PRKAR2A: variants seen among roughly 807,000 people sequenced by gnomAD.
PRKAR2A encodes the protein protein kinase cAMP-dependent type II regulatory subunit alpha.
A neutral mutation model predicts 51.9 loss-of-function variants in PRKAR2A; 29 were observed. That is an observed-to-expected ratio of 0.56 (90% CI 0.42 to 0.76). The LOEUF (loss-of-function observed/expected upper bound fraction) is 0.76, where lower values mean the gene tolerates loss of function less well. PRKAR2A is among the 30% of genes least tolerant of loss of function. The pLI is 0.00. For synonymous variants in PRKAR2A, 178 were observed against 186.2 expected, an observed-to-expected ratio of 0.96 and a Z score of 0.36; for missense variants, 445 against 512.1, an observed-to-expected ratio of 0.87 and a Z score of 1.26.
rs976917263 is a variant in PRKAR2A, at chr3:48,747,895, C to G, written c.*3690G>C. On this transcript the variant is annotated 3_prime_UTR_variant, in exon 11 of 11. Coordinates refer to ENST00000265563, the MANE Select transcript of PRKAR2A (RefSeq NM_004157.4). ...TTGCCTGATGTGGACAATGTGGATA[C>G]CTCAGCCCTGAGTTGAACTTGGCAT... is the stretch of plus-strand genomic sequence containing the variant. The G allele has an allele frequency of 1.3e-5, 2 of 152,208 alleles. No homozygotes were observed. The highest frequency in any genetic ancestry group is 2.9e-5 in the Non-Finnish European group (2 of 68,050). 9.4% of individuals were successfully genotyped at this position (152,208 alleles called of 1,614,324 possible).
At chr3:48,754,702 G>C (rs183722285) in intron 9 of PRKAR2A, among the ~76,000 whole-genome samples, 13 of 151,816 alleles carry the variant, frequency 8.6e-5, no homozygotes, top group Admixed American at 4.6e-4. Context: ...TGAACCCAGG[G>C]ACGGAGGTTG....
intron 3 of PRKAR2A, among the ~76,000 whole-genome samples, chr3:48,791,959 G>T (rs1339139677): frequency 2.1e-5 from 3 of 140,128 alleles, no homozygotes; most frequent in Non-Finnish European, 4.6e-5. Context: ...TTTAATTTGT[G>T]ATATTAAATT....
At chr3:48,786,998 A>G (rs970492300) in intron 4 of PRKAR2A, among the ~76,000 whole-genome samples, 5 of 152,292 alleles carry the variant, frequency 3.3e-5, no homozygotes, top group Admixed American at 6.5e-5. Context: ...TAGAATGACT[A>G]ACTAGTACTC....
At position 48,842,285 on chromosome 3, in the gene PRKAR2A, G is replaced by T. The variant is rs568561998; in HGVS notation, c.262+5050C>A. The stretch of plus-strand genomic sequence containing the variant: ...TTTTGTATCCTGAGACTTTGCTGAA[G>T]TTGCTTATCAGCTTAAGGAGATTTG... On this transcript the variant is annotated intron_variant, in intron 1 of 10. Coordinates refer to ENST00000265563, the MANE Select transcript of PRKAR2A (RefSeq NM_004157.4). Among the ~76,000 whole-genome samples the T allele has an allele frequency of 1.7e-3, 257 of 152,322 alleles. 1 individual carries two copies. The highest frequency in any genetic ancestry group is 2.8e-3 in the Non-Finnish European group (191 of 68,036).
At chr3:48,767,512 G>C (rs1429452921) in intron 6 of PRKAR2A, among the ~76,000 whole-genome samples, 1 of 151,674 alleles carries the variant, frequency 6.6e-6, no homozygotes, top group Non-Finnish European at 1.5e-5. Flanking sequence ...ATTTTAGGCT[G>C]TGTGTGGTGG....
intron 1 of PRKAR2A, among the ~76,000 whole-genome samples, chr3:48,844,148 C>T (rs1043886319): frequency 1.3e-5 from 2 of 152,114 alleles, no homozygotes; most frequent in African/African-American, 2.4e-5. Context: ...AAGAAAAAAA[C>T]TAACAACCCC....
chr3:48,828,608 G>C (rs994790085), intron 1 of PRKAR2A, among the ~76,000 whole-genome samples: 7 of 149,178 alleles, frequency 4.7e-5, no homozygotes, highest in African/African-American at 1.7e-4. Flanking sequence ...TCTGGTCCCA[G>C]CTACTCCAGG....
At chr3:48,766,715 T>C (rs547226612) in intron 6 of PRKAR2A, among the ~76,000 whole-genome samples, 5 of 152,260 alleles carry the variant, frequency 3.3e-5, no homozygotes, top group African/African-American at 1.2e-4. Flanking sequence ...TGATCAAAGA[T>C]TATTTTGCAG....
intron 6 of PRKAR2A, among the ~76,000 whole-genome samples, chr3:48,772,012 A>G (rs1296597414): frequency 2.0e-5 from 3 of 152,102 alleles, no homozygotes; most frequent in African/African-American, 4.8e-5. Context: ...CAGGCTTTCC[A>G]GCACCCCATC....
chr3:48,800,507 G>A (rs898294436), intron 2 of PRKAR2A, among the ~76,000 whole-genome samples: 26 of 145,244 alleles, frequency 1.8e-4, no homozygotes, highest in Non-Finnish European at 3.5e-4. Context: ...GCGAGACTCC[G>A]TCTCAAAAAA....
At chr3:48,753,934 G>C (rs2081709517) in intron 9 of PRKAR2A, among the ~76,000 whole-genome samples, 2 of 124,032 alleles carry the variant, frequency 1.6e-5, no homozygotes, top group African/African-American at 6.3e-5. Flanking sequence ...GTCTCACTCT[G>C]TTGCCCAGGC....
In PRKAR2A at chr3:48,747,954, T is replaced by C. The variant is rs1200550986; in HGVS notation, c.*3631A>G. On this transcript the variant is annotated 3_prime_UTR_variant, in exon 11 of 11. Coordinates refer to ENST00000265563, the MANE Select transcript of PRKAR2A (RefSeq NM_004157.4). ...TGATTCCCCATGCTGCAAAAAGAAT[T>C]GGAACGCTGTCAGGTCCTGGCACCG... 6.6e-6 allele frequency: 1 copy of C among 152,186 alleles called. No individual in the cohort carries two copies. Among genetic ancestry groups the C allele is most frequent in the Non-Finnish European group, 1.5e-5 (1 of 68,066 alleles). The allele number at this position is 152,186 out of a possible 1,614,324, so 9.4% of individuals were successfully genotyped here.
downstream of PRKAR2A, chr3:48,746,560 A>G (rs1488537908): frequency 6.6e-6 from 1 of 152,116 alleles, no homozygotes; most frequent in Non-Finnish European, 1.5e-5. Flanking sequence ...AACACGTAAC[A>G]TAAGACTGCA....
chr3:48,746,353 T>TAAAAAA (rs34195938), downstream of PRKAR2A, among the ~76,000 whole-genome samples: 3 of 68,272 alleles, frequency 4.4e-5, no homozygotes, highest in African/African-American at 5.7e-5. Flanking sequence ...ATCCTGTCAC[T>TAAAAAA]AAAAAAAAAA....
intron 5 of PRKAR2A, among the ~76,000 whole-genome samples, chr3:48,782,693 C>T (rs569002792): frequency 3.0e-4 from 45 of 152,214 alleles, no homozygotes; most frequent in African/African-American, 9.9e-4. Flanking sequence ...TCACCTCAAG[C>T]GATCCACCGG....
chr3:48,776,012 C>G (rs2082099550), intron 5 of PRKAR2A, among the ~76,000 whole-genome samples: 1 of 152,072 alleles, frequency 6.6e-6, no homozygotes, highest in East Asian at 1.9e-4. Context: ...GAGGCTGAGG[C>G]AGGAGAATCA....
At position 48,772,924 on chromosome 3, in the gene PRKAR2A, C is replaced by T. The variant is rs202218823; in HGVS notation, c.696+31G>A. On this transcript the variant is annotated intron_variant, in intron 6 of 10. Transcript: ENST00000265563. ...ACACAGAAAGGGAATTAATACTGTG[C>T]CTTGCAAGGGGAACGATTTCTCTCA... The T allele has an allele frequency of 3.7e-5, 59 of 1,600,106 alleles. No homozygotes were observed. The South Asian group carries it at 5.6e-4, about 15-fold the overall frequency.
intron 2 of PRKAR2A, among the ~76,000 whole-genome samples, chr3:48,800,612 C>G (rs942118836): frequency 5.3e-5 from 8 of 152,054 alleles, no homozygotes; most frequent in African/African-American, 1.9e-4. Context: ...TTCATTTACT[C>G]TATCACTTGA....
chr3:48,823,431 G>A (rs2083003116), intron 1 of PRKAR2A, among the ~76,000 whole-genome samples: 2 of 151,456 alleles, frequency 1.3e-5, no homozygotes, highest in South Asian at 4.2e-4. Flanking sequence ...CTGCTGCTTG[G>A]TGTGTGGAGG....
Sources: allele counts gnomAD v4.1 joint callset (sites outside exome capture counted in the v4.1 genomes callset), GRCh38; gene constraint gnomAD v4.1.1; transcripts MANE v1.5; gene names NCBI Gene and HGNC (gene_info 2026-07-23, HGNC 2026-07-21).